Variants in SGCZ observed in about 807,000 individuals in gnomAD.
SGCZ encodes the protein zeta-sarcoglycan.
In SGCZ, 40 loss-of-function variants were observed where a neutral mutation model predicts 41.3. That is an observed-to-expected ratio of 0.97 (90% confidence interval 0.75 to 1.26). SGCZ has a LOEUF of 1.26. Among genes scored for constraint, SGCZ ranks in the 50% most tolerant of loss-of-function variants. The pLI is 0.00. For missense variants in SGCZ, 552 were observed against 369.8 expected, an observed-to-expected ratio of 1.49 and a Z score of -4.04; for synonymous variants, 206 against 137.5, an observed-to-expected ratio of 1.50 and a Z score of -3.49.
At chr8:14,518,663 G>C (rs1477125337) in intron 2 of SGCZ, among the ~76,000 whole-genome samples, 4 of 151,862 alleles carry the variant, frequency 2.6e-5, no homozygotes, top group Non-Finnish European at 5.9e-5. Flanking sequence ...CATCAATCAG[G>C]TTACATATAA....
intron 1 of SGCZ, among the ~76,000 whole-genome samples, chr8:15,129,921 C>A (rs534544335): frequency 2.6e-5 from 4 of 152,002 alleles, no homozygotes; most frequent in Non-Finnish European, 5.9e-5. Context: ...TAAATATACT[C>A]CCACATATGC....
intron 2 of SGCZ, among the ~76,000 whole-genome samples, chr8:14,540,476 A>G (rs891945872): frequency 2.0e-5 from 3 of 151,542 alleles, no homozygotes; most frequent in Admixed American, 6.6e-5. Context: ...TTATATCTCT[A>G]TATCTTTCGT....
intron 2 of SGCZ, among the ~76,000 whole-genome samples, chr8:14,395,360 G>C (rs1295881790): frequency 6.6e-6 from 1 of 152,128 alleles, no homozygotes; most frequent in Non-Finnish European, 1.5e-5. Flanking sequence ...TATCAGTCAA[G>C]TTAGCAGAAG....
intron 1 of SGCZ, among the ~76,000 whole-genome samples, chr8:14,902,500 T>A (rs1032612032): frequency 6.6e-6 from 1 of 152,198 alleles, no homozygotes; most frequent in Non-Finnish European, 1.5e-5. Context: ...TTTAGGTATA[T>A]AACCTAAACA....
At chr8:14,837,494 T>G (rs1802739879) in intron 1 of SGCZ, among the ~76,000 whole-genome samples, 1 of 152,160 alleles carries the variant, frequency 6.6e-6, no homozygotes, top group East Asian at 1.9e-4. Context: ...GGGACTACAT[T>G]TCCCAACTCC....
chr8:15,173,777 C>G (rs1009512934), intron 1 of SGCZ, among the ~76,000 whole-genome samples: 1 of 152,114 alleles, frequency 6.6e-6, no homozygotes, highest in Non-Finnish European at 1.5e-5. Flanking sequence ...TTTAGAGACA[C>G]CACCCAGGCT....
At chr8:15,151,307 G>A (rs1799174812) in intron 1 of SGCZ, among the ~76,000 whole-genome samples, 1 of 152,110 alleles carries the variant, frequency 6.6e-6, no homozygotes, top group African/African-American at 2.4e-5. Flanking sequence ...GCTACTTCTG[G>A]AATCTCACCC....
intron 1 of SGCZ, among the ~76,000 whole-genome samples, chr8:14,593,563 A>T (rs1268880367): frequency 6.6e-6 from 1 of 152,206 alleles, no homozygotes; most frequent in East Asian, 1.9e-4. Context: ...CACAGGTATT[A>T]ATTTTCAGTT....
At chr8:14,187,160 A>T (rs1804934009) in intron 4 of SGCZ, among the ~76,000 whole-genome samples, 1 of 152,226 alleles carries the variant, frequency 6.6e-6, no homozygotes, top group Non-Finnish European at 1.5e-5. Flanking sequence ...ATAAAAACAG[A>T]CTTTAATAAA....
chr8:15,174,959 T>C (rs1431955232), intron 1 of SGCZ, among the ~76,000 whole-genome samples: 1 of 151,922 alleles, frequency 6.6e-6, no homozygotes. Context: ...ATACCTAAAA[T>C]CAGGGAAGGG....
intron 3 of SGCZ, among the ~76,000 whole-genome samples, chr8:14,261,615 T>A (rs996642984): frequency 2.6e-5 from 4 of 152,174 alleles, no homozygotes; most frequent in African/African-American, 9.7e-5. Flanking sequence ...AAGTGGATGT[T>A]TATAGTTATT....
chr8:14,785,031 G>GA (rs1800724504), intron 1 of SGCZ, among the ~76,000 whole-genome samples: 1 of 142,654 alleles, frequency 7.0e-6, no homozygotes, highest in Non-Finnish European at 1.5e-5. Context: ...ATCTGATCAA[G>GA]AAAAAGGATT....
intron 2 of SGCZ, among the ~76,000 whole-genome samples, chr8:14,425,029 A>C (rs1799739696): frequency 6.6e-6 from 1 of 152,084 alleles, no homozygotes; most frequent in Non-Finnish European, 1.5e-5. Context: ...CTTGAAATAT[A>C]TTTTCTGTTA....
In SGCZ at chr8:14,796,818, G is replaced by A. The variant is rs567744719; in HGVS notation, c.40-241892C>T. ...CATGTGGGAGGTAACTGAATCATGC[G>A]TTGGTTTCGCCCATGCTACTCTCAA... On this transcript the variant is annotated intron_variant, in intron 1 of 7. Coordinates refer to ENST00000382080, the MANE Select transcript of SGCZ (RefSeq NM_139167.4). 2.8e-4 allele frequency among the ~76,000 whole-genome samples: 43 copies of A among 152,202 alleles called. 1 individual carries two copies. In the South Asian group the frequency reaches 5.2e-3, roughly 18 times the overall value.
At chr8:14,275,501 C>G (rs1800198422) in intron 3 of SGCZ, among the ~76,000 whole-genome samples, 1 of 152,118 alleles carries the variant, frequency 6.6e-6, no homozygotes, top group Non-Finnish European at 1.5e-5. Context: ...TTCCCTTTCT[C>G]TGTTTGATCA....
intron 2 of SGCZ, among the ~76,000 whole-genome samples, chr8:14,407,064 C>CATTTTTTTT (rs1799230769): frequency 1.8e-5 from 2 of 113,334 alleles, no homozygotes; most frequent in Non-Finnish European, 3.4e-5. Context: ...TATGAGTTTT[C>CATTTTTTTT]CTTTTTTTTT....
At chr8:14,283,915 G>A (rs977561192) in intron 3 of SGCZ, among the ~76,000 whole-genome samples, 41 of 152,176 alleles carry the variant, frequency 2.7e-4, no homozygotes, top group African/African-American at 8.7e-4. Flanking sequence ...TGTAGAATTT[G>A]TTCTTGTTTA....
At chr8:14,807,847 T>C (rs1563283699) in intron 1 of SGCZ, among the ~76,000 whole-genome samples, 4 of 152,128 alleles carry the variant, frequency 2.6e-5, no homozygotes, top group Admixed American at 1.3e-4. Context: ...AAGGCTACAG[T>C]AACCAAAACA....
chr8:14,466,046 T>G (rs1801040355), intron 2 of SGCZ, among the ~76,000 whole-genome samples: 1 of 151,980 alleles, frequency 6.6e-6, no homozygotes. Flanking sequence ...CAGTTTATCT[T>G]TACTGATATC....
Sources: allele counts gnomAD v4.1 joint callset (sites outside exome capture counted in the v4.1 genomes callset), GRCh38; gene constraint gnomAD v4.1.1; transcripts MANE v1.5; gene names NCBI Gene and HGNC (gene_info 2026-07-23, HGNC 2026-07-21).